The following DGKI variants were observed in gnomAD, a reference collection of about 807,000 sequenced individuals.
DGKI encodes DAG kinase iota.
Under a neutral mutation model 147.5 loss-of-function variants are expected in DGKI, and 55 were observed. The ratio of observed to expected loss-of-function variants is 0.37; its 90% CI spans 0.30 to 0.47. The LOEUF (loss-of-function observed/expected upper bound fraction) is 0.47, where lower values mean the gene tolerates loss of function less well. Ranked by LOEUF, DGKI falls within the 20% of genes least tolerant of loss-of-function variation. The pLI, the probability that DGKI is intolerant of heterozygous loss-of-function variation, is 1.00. For missense variants in DGKI, 1,007 were observed against 1,323.8 expected (o/e 0.76, Z 3.71); for synonymous variants, 469 against 477.1 (o/e 0.98, Z 0.22).
intron 21 of DGKI, among the ~76,000 whole-genome samples, chr7:137,519,642 G>A (rs117885770): frequency 6.6e-6 from 1 of 152,092 alleles, no homozygotes; most frequent in Non-Finnish European, 1.5e-5. Context: ...ATGGACTTAA[G>A]CTTGCTTTTG....
rs529002021 is a variant in DGKI at position 137,385,259 on chromosome 7, T to A, written c.*5961A>T. 4.9e-4 allele frequency: 75 copies of A among 152,236 alleles called. No homozygotes were observed. In the South Asian group the frequency reaches 0.015, roughly 30 times the overall value. 9.4% of individuals were successfully genotyped at this position (152,236 alleles called of 1,614,324 possible). ...AATTCATGCTTAGTTTAAAATTTTT[T>A]AAATGATAACTAACGGCCATTCCCC... On this transcript the variant is annotated 3_prime_UTR_variant, in exon 33 of 33. Transcript: ENST00000614521.
chr7:137,780,694 AGT>A (rs1334691529), intron 1 of DGKI, among the ~76,000 whole-genome samples: 2 of 152,228 alleles, frequency 1.3e-5, no homozygotes, highest in African/African-American at 4.8e-5. Flanking sequence ...ATGATGTTTC[AGT>A]GAATATTTTC....
intron 21 of DGKI, among the ~76,000 whole-genome samples, chr7:137,517,325 AAGAAAGAAAGAAAGAGAAAG>A (rs1816804205): frequency 7.3e-6 from 1 of 137,580 alleles, no homozygotes; most frequent in African/African-American, 2.9e-5. Flanking sequence ...GAAAGAAAGA[AAGAAAGAAAGAAAGAGAAAG>A]AAAGAAAGAA....
At chr7:137,656,586 G>A in intron 3 of DGKI, 46 bp from the exon 4 acceptor site, 2 of 1,555,172 alleles carry the variant, frequency 1.3e-6, no homozygotes, top group Non-Finnish European at 1.8e-6. Context: ...TTAACAGTCT[G>A]TTCTGAAGAG....
intron 6 of DGKI, among the ~76,000 whole-genome samples, chr7:137,625,088 C>T (rs979124667): frequency 1.1e-4 from 16 of 152,212 alleles, no homozygotes; most frequent in Non-Finnish European, 4.4e-5. Context: ...TCCATCAATA[C>T]CTCCTTCTCA....
chr7:137,555,439 G>T (rs73453514), intron 19 of DGKI, among the ~76,000 whole-genome samples: 16,555 of 151,772 alleles, frequency 0.11, 2,031 homozygotes, highest in African/African-American at 0.3. Context: ...GGGAGGAGGA[G>T]CTTCTGAGCC....
chr7:137,632,959 T>C (rs958290553), intron 6 of DGKI, among the ~76,000 whole-genome samples: 10 of 151,192 alleles, frequency 6.6e-5, no homozygotes, highest in African/African-American at 2.4e-4. Flanking sequence ...ATGCCTGTAA[T>C]CCCAGCACTT....
intron 1 of DGKI, among the ~76,000 whole-genome samples, chr7:137,716,107 C>T (rs1366296055): frequency 6.6e-6 from 1 of 152,152 alleles, no homozygotes; most frequent in East Asian, 1.9e-4. Context: ...AAAAGGGAAT[C>T]ACCCAATGCT....
chr7:137,482,873 C>T (rs974377298), intron 23 of DGKI, among the ~76,000 whole-genome samples: 1 of 151,988 alleles, frequency 6.6e-6, no homozygotes, highest in African/African-American at 2.4e-5. Flanking sequence ...CTTGCGCCTT[C>T]CTTGTCCTAA....
intron 1 of DGKI, among the ~76,000 whole-genome samples, chr7:137,743,861 T>C (rs1795248147): frequency 6.6e-6 from 1 of 151,906 alleles, no homozygotes; most frequent in African/African-American, 2.4e-5. Context: ...CAGGCGCCTG[T>C]AGTCCCAGCT....
At chr7:137,670,142 A>G (rs537646776) in intron 3 of DGKI, among the ~76,000 whole-genome samples, 25 of 152,314 alleles carry the variant, frequency 1.6e-4, no homozygotes, top group African/African-American at 6.0e-4. Flanking sequence ...AATGCCGTAT[A>G]TTGTTTTCTT....
chr7:137,781,399 C>T (rs930444537), intron 1 of DGKI, among the ~76,000 whole-genome samples: 5 of 152,306 alleles, frequency 3.3e-5, no homozygotes, highest in African/African-American at 1.2e-4. Context: ...TACATATCTG[C>T]TAGATTCAGA....
In DGKI at chr7:137,621,860, G is replaced by C. The variant is rs1004056461; in HGVS notation, c.876+1623C>G. 4.6e-5 allele frequency among the ~76,000 whole-genome samples: 7 copies of C among 152,288 alleles called. No individual in the cohort carries two copies. The East Asian group carries it at 1.4e-3, about 29-fold the overall frequency. On this transcript the variant is annotated intron_variant, in intron 7 of 32. Transcript: ENST00000614521. ...GCACAGGGCAGGAGCAGATGCAGCC[G>C]ATCTGAGCACACCGCTGCCCAGAAG...
chr7:137,398,242 G>T (rs1040774410), intron 30 of DGKI, among the ~76,000 whole-genome samples: 1 of 152,114 alleles, frequency 6.6e-6, no homozygotes, highest in Non-Finnish European at 1.5e-5. Context: ...TCCAAGTTGG[G>T]ACCACCCCAG....
At chr7:137,550,570 C>T (rs1172751919) in intron 20 of DGKI, among the ~76,000 whole-genome samples, 2 of 147,148 alleles carry the variant, frequency 1.4e-5, no homozygotes, top group Admixed American at 6.7e-5. Context: ...GCCTTGAGTA[C>T]AAAAAGAAAA....
At chr7:137,537,027 G>A (rs998837069) in intron 20 of DGKI, among the ~76,000 whole-genome samples, 10 of 152,202 alleles carry the variant, frequency 6.6e-5, no homozygotes, top group Non-Finnish European at 1.5e-4. Flanking sequence ...TCTTTTCTTT[G>A]GAATTGTCCA....
chr7:137,421,245 G>A (rs1458843390), intron 28 of DGKI, among the ~76,000 whole-genome samples: 3 of 152,074 alleles, frequency 2.0e-5, no homozygotes, highest in Non-Finnish European at 4.4e-5. Context: ...GCATCAAAAG[G>A]CCATTAGATA....
intron 1 of DGKI, among the ~76,000 whole-genome samples, chr7:137,817,829 A>T (rs1797784044): frequency 6.6e-6 from 1 of 152,248 alleles, no homozygotes; most frequent in East Asian, 1.9e-4. Context: ...GTTCTTACCC[A>T]GTCTTTAATA....
intron 6 of DGKI, among the ~76,000 whole-genome samples, chr7:137,638,552 GTGTA>G (rs770215799): frequency 1.1e-3 from 98 of 86,752 alleles, no homozygotes; most frequent in Non-Finnish European, 1.7e-3. Flanking sequence ...ATATATATGT[GTGTA>G]TATATATACA....
Sources: allele counts gnomAD v4.1 joint callset (sites outside exome capture counted in the v4.1 genomes callset), GRCh38; gene constraint gnomAD v4.1.1; transcripts MANE v1.5; gene names NCBI Gene and HGNC (gene_info 2026-07-23, HGNC 2026-07-21).